The following TNFSF4 variants were observed in gnomAD, a reference collection of about 807,000 sequenced individuals.
TNFSF4 encodes TNF superfamily member 4.
A neutral mutation model predicts 7.3 loss-of-function variants in TNFSF4; 4 were observed. The ratio of observed to expected loss-of-function variants is 0.55; its 90% CI spans 0.27 to 1.25. The LOEUF is 1.25. Among genes scored for constraint, TNFSF4 ranks in the 50% most tolerant of loss-of-function variants. The pLI is 0.12. For synonymous variants in TNFSF4, 76 were observed against 83.7 expected (o/e 0.91, Z 0.50); for missense variants, 181 against 208.8 (o/e 0.87, Z 0.82).
the TNFSF4 span, among the ~76,000 whole-genome samples, chr1:173,311,051 G>C: frequency 6.6e-6 from 1 of 151,708 alleles, no homozygotes; most frequent in Non-Finnish European, 1.5e-5. Flanking sequence ...ATATGTTTAA[G>C]TTTTTAAACC....
the TNFSF4 span, among the ~76,000 whole-genome samples, chr1:173,448,994 T>C: frequency 1.3e-5 from 2 of 152,208 alleles, no homozygotes; most frequent in Admixed American, 1.3e-4. Context: ...CATATTCAAA[T>C]GTAATCCCCA....
chr1:173,257,329 T>C, the TNFSF4 span, among the ~76,000 whole-genome samples: 1 of 152,338 alleles, frequency 6.6e-6, no homozygotes, highest in East Asian at 1.9e-4. Flanking sequence ...TAGATAACAC[T>C]TTATTAATAG....
the TNFSF4 span, among the ~76,000 whole-genome samples, chr1:173,302,758 T>G: frequency 5.3e-5 from 8 of 151,914 alleles, no homozygotes; most frequent in Non-Finnish European, 8.8e-5. Context: ...TTTCTTTTTT[T>G]TTTTCCATTT....
At chr1:173,236,827 T>C in the TNFSF4 span, among the ~76,000 whole-genome samples, 1 of 152,160 alleles carries the variant, frequency 6.6e-6, no homozygotes, top group Non-Finnish European at 1.5e-5. Context: ...TGGAGGATAT[T>C]AGAGACTGGG....
At chr1:173,207,482 G>A (rs1206089719), upstream of TNFSF4, among the ~76,000 whole-genome samples, 2 of 151,250 alleles carry the variant, frequency 1.3e-5, no homozygotes, top group Non-Finnish European at 2.9e-5. Context: ...TGACATTCCA[G>A]TTCTGATTTG....
the TNFSF4 span, among the ~76,000 whole-genome samples, chr1:173,358,792 G>A: frequency 6.6e-6 from 1 of 152,200 alleles, no homozygotes; most frequent in Non-Finnish European, 1.5e-5. Flanking sequence ...TTTGTTGAAA[G>A]AAGCCAGACA....
At chr1:173,376,531 T>C in the TNFSF4 span, among the ~76,000 whole-genome samples, 2 of 152,202 alleles carry the variant, frequency 1.3e-5, no homozygotes. Context: ...CTTCTCTGTC[T>C]AGCTAAAGAA....
At chr1:173,202,045 C>CTATATATATA (rs1015553460) in intron 1 of TNFSF4, among the ~76,000 whole-genome samples, 1 of 140,762 alleles carries the variant, frequency 7.1e-6, no homozygotes, top group African/African-American at 2.7e-5. Flanking sequence ...GAAGTAATTG[C>CTATATATATA]TATATATATA....
the TNFSF4 span, among the ~76,000 whole-genome samples, chr1:173,245,809 T>G: frequency 2.6e-5 from 4 of 152,332 alleles, no homozygotes; most frequent in South Asian, 8.3e-4. Context: ...ATCTACTTTT[T>G]TAGATTCCGC....
the TNFSF4 span, among the ~76,000 whole-genome samples, chr1:173,324,450 A>G: frequency 2.3e-3 from 353 of 152,348 alleles, 2 homozygotes; most frequent in African/African-American, 7.8e-3. Context: ...AAGAAACTGC[A>G]TCAACTAACA....
At chr1:173,319,588 G>A in the TNFSF4 span, among the ~76,000 whole-genome samples, 46 of 152,318 alleles carry the variant, frequency 3.0e-4, no homozygotes, top group African/African-American at 1.1e-3. Flanking sequence ...GGGGTTGACA[G>A]ACACCTCATA....
At chr1:173,289,509 C>T in the TNFSF4 span, among the ~76,000 whole-genome samples, 6 of 152,090 alleles carry the variant, frequency 3.9e-5, no homozygotes, top group Admixed American at 3.9e-4. Context: ...CAATGTCCAG[C>T]ATATAATAAA....
the TNFSF4 span, among the ~76,000 whole-genome samples, chr1:173,243,000 T>TGGGCGG: frequency 0.017 from 91 of 5,282 alleles, 10 homozygotes; most frequent in South Asian, 0.029. Flanking sequence ...AAGAAGTTGG[T>TGGGCGG]GGGTGGGGGG....
chr1:173,445,237 T>C, the TNFSF4 span, among the ~76,000 whole-genome samples: 2 of 152,234 alleles, frequency 1.3e-5, no homozygotes, highest in Non-Finnish European at 2.9e-5. Flanking sequence ...TGCAGTCAGA[T>C]TATGAAGAGA....
At chr1:173,333,828 T>C in the TNFSF4 span, among the ~76,000 whole-genome samples, 1 of 152,038 alleles carries the variant, frequency 6.6e-6, no homozygotes, top group Non-Finnish European at 1.5e-5. Context: ...AAACACAGGC[T>C]TTTCCTGTGT....
chr1:173,396,557 T>C, the TNFSF4 span, among the ~76,000 whole-genome samples: 2 of 152,110 alleles, frequency 1.3e-5, no homozygotes, highest in African/African-American at 4.8e-5. Flanking sequence ...AACATAAAGT[T>C]TAATGCAATC....
chr1:173,362,594 C>A, the TNFSF4 span: 2 of 512,250 alleles, frequency 3.9e-6, no homozygotes, highest in South Asian at 1.5e-5. Flanking sequence ...TCAACAGTTG[C>A]CAACTCCTGG....
the TNFSF4 span, among the ~76,000 whole-genome samples, chr1:173,216,917 C>A: frequency 6.6e-6 from 1 of 152,074 alleles, no homozygotes; most frequent in Non-Finnish European, 1.5e-5. Flanking sequence ...GGCTCAAATT[C>A]GCCCTGGTTA....
the TNFSF4 span, among the ~76,000 whole-genome samples, chr1:173,445,788 G>C: frequency 6.6e-6 from 1 of 152,126 alleles, no homozygotes; most frequent in African/African-American, 2.4e-5. Flanking sequence ...TAAGAGATTA[G>C]AGAAATGGAT....
Sources: allele counts gnomAD v4.1 joint callset (sites outside exome capture counted in the v4.1 genomes callset), GRCh38; gene constraint gnomAD v4.1.1; transcripts MANE v1.5; gene names NCBI Gene and HGNC (gene_info 2026-07-23, HGNC 2026-07-21).